SENP1: variants seen among roughly 807,000 people sequenced by gnomAD.
SENP1 encodes the protein sentrin-specific protease 1.
SENP1 carries 21 observed loss-of-function variants against 93.0 expected under a neutral mutation model. That is an observed-to-expected ratio of 0.23 (90% CI 0.16 to 0.33). The LOEUF (loss-of-function observed/expected upper bound fraction) is 0.33, where lower values mean the gene tolerates loss of function less well. Ranked by LOEUF, SENP1 falls within the 10% of genes least tolerant of loss-of-function variation. The pLI is 1.00. For synonymous variants in SENP1, 256 were observed against 259.6 expected (o/e 0.99, Z 0.13); for missense variants, 591 against 758.7 (o/e 0.78, Z 2.60).
chr12:48,064,262 C>CT (rs934380392), intron 12 of SENP1, among the ~76,000 whole-genome samples: 5 of 151,432 alleles, frequency 3.3e-5, no homozygotes, highest in East Asian at 1.9e-4. Context: ...TCTTAGAGAT[C>CT]TTTTTTTTTA....
chr12:48,087,425 T>A (rs1345640606), intron 5 of SENP1, among the ~76,000 whole-genome samples: 1 of 152,240 alleles, frequency 6.6e-6, no homozygotes, highest in Non-Finnish European at 1.5e-5. Context: ...ATGGCTTTAT[T>A]GCATTAAAAA....
At chr12:48,079,201 T>C (rs1182227635) in intron 6 of SENP1, among the ~76,000 whole-genome samples, 1 of 151,856 alleles carries the variant, frequency 6.6e-6, no homozygotes, top group Non-Finnish European at 1.5e-5. Context: ...TGTTCTTTAC[T>C]GAATAAGAAA....
At chr12:48,057,987 C>T (rs1447126998) in intron 13 of SENP1, among the ~76,000 whole-genome samples, 5 of 122,132 alleles carry the variant, frequency 4.1e-5, no homozygotes, top group African/African-American at 1.6e-4. Context: ...CGCTCCATTG[C>T]CCAGGCTGGA....
intron 13 of SENP1, among the ~76,000 whole-genome samples, chr12:48,050,182 G>A (rs1187920731): frequency 2.0e-5 from 3 of 152,194 alleles, no homozygotes; most frequent in African/African-American, 7.2e-5. Context: ...CCACGGCTTG[G>A]AAATATGACT....
chr12:48,059,611 C>T (rs938033859), intron 13 of SENP1, among the ~76,000 whole-genome samples: 4 of 152,014 alleles, frequency 2.6e-5, no homozygotes, highest in South Asian at 2.1e-4. Flanking sequence ...TGTACTTTCC[C>T]GCCTCATGTA....
intron 1 of SENP1, among the ~76,000 whole-genome samples, 192 bp from the exon 2 acceptor site, chr12:48,101,708 G>C (rs1023497334): frequency 5.3e-5 from 8 of 152,206 alleles, no homozygotes; most frequent in African/African-American, 1.9e-4. Flanking sequence ...AAACATTTCT[G>C]CAACCTGTAC....
rs1247457508 is a variant in SENP1 at position 48,044,640 on chromosome 12, T to A, written c.*682A>T. 6.6e-6 allele frequency: 1 copy of A among 152,130 alleles called. No individual in the cohort carries two copies. Among genetic ancestry groups the A allele is most frequent in the Non-Finnish European group, 1.5e-5 (1 of 68,034 alleles). The allele number at this position is 152,130 out of a possible 1,614,324, so 9.4% of individuals were successfully genotyped here. ...CCCCTGCTTTCACGGAAAGGACTGC[T>A]TGGAACTTTGGGACCTGTCCAGGGC... On this transcript the variant is annotated 3_prime_UTR_variant, in exon 18 of 18. Coordinates refer to ENST00000549518, the MANE Select transcript of SENP1 (RefSeq NM_001267594.2).
At chr12:48,067,581 C>A (rs112229516) in intron 9 of SENP1, among the ~76,000 whole-genome samples, 2,944 of 152,246 alleles carry the variant, frequency 0.019, 72 homozygotes, top group African/African-American at 0.048. Flanking sequence ...TAGGCAGGAT[C>A]TATCACAGAA....
intron 4 of SENP1, among the ~76,000 whole-genome samples, chr12:48,090,963 G>A (rs1592451664): frequency 6.6e-6 from 1 of 152,112 alleles, no homozygotes; most frequent in South Asian, 2.1e-4. Context: ...AGAAATCAGA[G>A]TTACGAACAC....
At chr12:48,102,432 A>AAAC (rs1946009077) in intron 1 of SENP1, among the ~76,000 whole-genome samples, 1 of 69,214 alleles carries the variant, frequency 1.4e-5, no homozygotes, top group Non-Finnish European at 2.7e-5. Context: ...ACTCTGTCTC[A>AAAC]AAAAAAAAAA....
chr12:48,065,092 A>G lies in SENP1; in HGVS notation c.1248T>C (p.Ser416=). The G allele has an allele frequency of 6.2e-7, 1 of 1,603,366 alleles. No homozygotes were observed. Among genetic ancestry groups the G allele is most frequent in the Non-Finnish European group, 8.5e-7 (1 of 1,170,388 alleles). ...TQKKGHKLTD[S]EDEFPEITEE... is the part of the protein sequence containing the mutation. ...CTGTAATTTCAGGAAATTCATCTTC[A>G]CTATCAGTTAATTTATGACCTTTTT... Residue 416 remains serine (S), a synonymous_variant, in exon 12 of 18, where the codon AGT becomes AGC. Transcript: ENST00000549518.
At chr12:48,104,765 A>G (rs1022150883) in intron 1 of SENP1, among the ~76,000 whole-genome samples, 1 of 152,260 alleles carries the variant, frequency 6.6e-6, no homozygotes, top group Non-Finnish European at 1.5e-5. Context: ...GCATTCCCTT[A>G]GCCAGAAGTA....
intron 13 of SENP1, among the ~76,000 whole-genome samples, chr12:48,054,058 A>G (rs929471548): frequency 1.3e-5 from 2 of 152,242 alleles, no homozygotes; most frequent in African/African-American, 2.4e-5. Context: ...GAAATGCTCC[A>G]GTTATCCTGC....
intron 12 of SENP1, among the ~76,000 whole-genome samples, chr12:48,064,312 G>A (rs1222616122): frequency 2.6e-5 from 4 of 152,078 alleles, no homozygotes; most frequent in African/African-American, 9.7e-5. Context: ...TAATAAGTGT[G>A]TTATGCTCAC....
intron 13 of SENP1, among the ~76,000 whole-genome samples, chr12:48,058,217 A>G (rs1016474878): frequency 1.3e-5 from 2 of 152,064 alleles, no homozygotes; most frequent in Non-Finnish European, 2.9e-5. Flanking sequence ...AAATGCTGGG[A>G]TTACAGGCAT....
At chr12:48,085,448 C>A (rs1944790096) in intron 5 of SENP1, 1 of 766,934 alleles carries the variant, frequency 1.3e-6, no homozygotes, top group Non-Finnish European at 2.1e-6. Flanking sequence ...CTCCTCACAG[C>A]CCTCAGCCCT....
chr12:48,105,679 G>C (rs571388743), intron 1 of SENP1: 3 of 442,522 alleles, frequency 6.8e-6, no homozygotes, highest in East Asian at 4.7e-5. Flanking sequence ...ACCCAGCTCT[G>C]GCGGGAAAGC....
At chr12:48,052,485 A>T (rs1470592770) in intron 13 of SENP1, among the ~76,000 whole-genome samples, 1 of 151,932 alleles carries the variant, frequency 6.6e-6, no homozygotes, top group Non-Finnish European at 1.5e-5. Context: ...TTTCACCTTG[A>T]CCTCCCCATT....
rs544486546 is a variant in SENP1 at position 48,099,169 on chromosome 12, A to G, written c.5-1045T>C. On this transcript the variant is annotated intron_variant, in intron 2 of 17. Transcript: ENST00000549518. ...AAATCTTGTCTCTATTAAAAAACAA[A>G]ACAAAACATTAGCCAGACATGGTGG... is the stretch of plus-strand genomic sequence containing the variant. The G allele has an allele frequency of 2.0e-5, 3 of 152,116 alleles. No individual in the cohort carries two copies. In the East Asian group the frequency reaches 5.8e-4, roughly 30 times the overall value. 9.4% of individuals were successfully genotyped at this position (152,116 alleles called of 1,614,324 possible).
Sources: gnomAD v4.1 joint callset for allele counts (sites outside exome capture counted in the v4.1 genomes callset) on GRCh38, gnomAD v4.1.1 for gene constraint, MANE v1.5 for transcripts, NCBI Gene and HGNC (gene_info 2026-07-23, HGNC 2026-07-21) for gene names.